CNTN3: variants seen among roughly 807,000 people sequenced by gnomAD.
CNTN3 encodes contactin 3.
Under a neutral mutation model 119.1 loss-of-function variants are expected in CNTN3, and 60 were observed. That is an observed-to-expected ratio of 0.50 (90% CI 0.41 to 0.62). The LOEUF is 0.62. Among genes scored for constraint, CNTN3 ranks in the 20% least tolerant of loss-of-function variants. CNTN3 has a pLI of 0.00. For missense variants in CNTN3, 1,101 were observed against 1,242.4 expected (o/e 0.89, Z 1.71); for synonymous variants, 450 against 438.7 (o/e 1.03, Z -0.32).
At chr3:74,282,671 CA>C (rs1339368401) in intron 20 of CNTN3, among the ~76,000 whole-genome samples, 3 of 151,946 alleles carry the variant, frequency 2.0e-5, no homozygotes, top group Non-Finnish European at 2.9e-5. Context: ...GTGATAATCA[CA>C]AGAGCCTTAC....
At chr3:74,530,056 G>C (rs953927902) in intron 1 of CNTN3, among the ~76,000 whole-genome samples, 2 of 151,994 alleles carry the variant, frequency 1.3e-5, no homozygotes, top group East Asian at 3.9e-4. Flanking sequence ...GTGATCTTGG[G>C]GAAAAACTCA....
chr3:74,494,085 G>A (rs892960669), intron 3 of CNTN3, among the ~76,000 whole-genome samples: 8 of 151,984 alleles, frequency 5.3e-5, no homozygotes, highest in African/African-American at 1.9e-4. Flanking sequence ...TTCCCTTATT[G>A]CCTTCCCTGC....
chr3:74,359,042 C>A (rs893189504), intron 11 of CNTN3, among the ~76,000 whole-genome samples: 2 of 151,926 alleles, frequency 1.3e-5, no homozygotes, highest in Admixed American at 1.3e-4. Context: ...ATTCTTATTT[C>A]TACCTTCCTC....
intron 22 of CNTN3, among the ~76,000 whole-genome samples, chr3:74,264,841 T>A (rs1321717604): frequency 6.6e-6 from 1 of 152,104 alleles, no homozygotes; most frequent in Non-Finnish European, 1.5e-5. Flanking sequence ...CGTGAACCTA[T>A]CCTGGAACCA....
intron 5 of CNTN3, among the ~76,000 whole-genome samples, chr3:74,413,796 C>T (rs1701475932): frequency 6.6e-6 from 1 of 152,096 alleles, no homozygotes; most frequent in Non-Finnish European, 1.5e-5. Flanking sequence ...GTCCAACTTG[C>T]TCAATTTAAT....
chr3:74,361,944 G>C lies in CNTN3; in HGVS notation c.1310C>G (p.Pro437Arg). 6.2e-7 allele frequency: 1 copy of C among 1,613,792 alleles called. No individual in the cohort carries two copies. The highest frequency in any genetic ancestry group is 2.2e-5 in the East Asian group (1 of 44,856). Residue 437 changes from proline (P) to arginine (R), a missense_variant, in exon 11 of 23, where the codon CCA (proline) becomes CGA (arginine). Physicochemically the swap from Pro to Arg is moderately radical, Grantham distance 103 (BLOSUM62 -2). Transcript: ENST00000263665. ...CTTCTTCCAGGAAGAGAGTGCCCTT[G>C]GGGAGGCTCTGGGTTTACAATCCAA... ...VSLDCKPRASPRALSSWKKGD... is the reference protein window; with the variant it reads ...VSLDCKPRASRRALSSWKKGD...
intron 1 of CNTN3, among the ~76,000 whole-genome samples, chr3:74,597,572 A>G (rs1704834059): frequency 6.6e-6 from 1 of 152,070 alleles, no homozygotes; most frequent in Non-Finnish European, 1.5e-5. Flanking sequence ...CAGCACTCAT[A>G]TAGGAAGAAA....
intron 1 of CNTN3, among the ~76,000 whole-genome samples, chr3:74,583,026 T>A (rs777456745): frequency 1.3e-5 from 2 of 151,924 alleles, no homozygotes; most frequent in Admixed American, 1.3e-4. Flanking sequence ...CACACCAGAG[T>A]TGGTCAGTAT....
At chr3:74,475,021 C>A (rs1325995708) in intron 4 of CNTN3, among the ~76,000 whole-genome samples, 1 of 152,142 alleles carries the variant, frequency 6.6e-6, no homozygotes, top group Non-Finnish European at 1.5e-5. Flanking sequence ...TCCTGTACAG[C>A]CTGCAGAACC....
intron 11 of CNTN3, among the ~76,000 whole-genome samples, chr3:74,359,273 T>C (rs1248450067): frequency 6.6e-6 from 1 of 152,156 alleles, no homozygotes; most frequent in Non-Finnish European, 1.5e-5. Context: ...CTTTCAAAAT[T>C]TTATTTATAA....
intron 1 of CNTN3, among the ~76,000 whole-genome samples, chr3:74,601,095 C>T (rs1228004451): frequency 1.3e-5 from 2 of 150,290 alleles, no homozygotes; most frequent in Non-Finnish European, 3.0e-5. Context: ...ATATAAAAGT[C>T]ACATGTAGTG....
chr3:74,592,384 T>C (rs1199084342), intron 1 of CNTN3, among the ~76,000 whole-genome samples: 1 of 151,944 alleles, frequency 6.6e-6, no homozygotes, highest in African/African-American at 2.4e-5. Flanking sequence ...TGTTGATTTA[T>C]GTAGACAGCA....
At chr3:74,346,475 G>C (rs1397932909) in intron 11 of CNTN3, among the ~76,000 whole-genome samples, 1 of 152,106 alleles carries the variant, frequency 6.6e-6, no homozygotes, top group Non-Finnish European at 1.5e-5. Context: ...AATGAAATCT[G>C]CATTAGGACA....
chr3:74,450,509 T>C (rs1009980357), intron 4 of CNTN3, among the ~76,000 whole-genome samples: 2 of 151,878 alleles, frequency 1.3e-5, no homozygotes, highest in African/African-American at 4.8e-5. Context: ...CCTGTTTTTT[T>C]TTTTTTTTAA....
At chr3:74,285,057 T>C (rs1702082382) in intron 20 of CNTN3, among the ~76,000 whole-genome samples, 1 of 152,170 alleles carries the variant, frequency 6.6e-6, no homozygotes, top group African/African-American at 2.4e-5. Context: ...GGGATAGATT[T>C]AACCTAACAC....
intron 1 of CNTN3, among the ~76,000 whole-genome samples, chr3:74,539,660 C>A (rs146265708): frequency 0.019 from 2,939 of 152,196 alleles, 45 homozygotes; most frequent in Admixed American, 0.055. Context: ...TCCGGTGCTG[C>A]TTTTCTGTTA....
intron 8 of CNTN3, among the ~76,000 whole-genome samples, chr3:74,366,416 A>G (rs746403800): frequency 5.3e-5 from 8 of 152,102 alleles, no homozygotes; most frequent in Admixed American, 5.2e-4. Flanking sequence ...AATTCATTTT[A>G]CAGATGAAAG....
chr3:74,330,572 C>T (rs1236929959), intron 13 of CNTN3, among the ~76,000 whole-genome samples: 1 of 151,964 alleles, frequency 6.6e-6, no homozygotes, highest in Non-Finnish European at 1.5e-5. Flanking sequence ...TTTACTATAC[C>T]ATACTTTATA....
At chr3:74,332,322 T>C (rs1703284481) in intron 13 of CNTN3, among the ~76,000 whole-genome samples, 1 of 152,254 alleles carries the variant, frequency 6.6e-6, no homozygotes, top group African/African-American at 2.4e-5. Flanking sequence ...TGTCATCTTG[T>C]ATGGCTTACT....
Sources: allele counts gnomAD v4.1 joint callset (sites outside exome capture counted in the v4.1 genomes callset), GRCh38; gene constraint gnomAD v4.1.1; transcripts MANE v1.5; gene names NCBI Gene and HGNC (gene_info 2026-07-23, HGNC 2026-07-21).